The following PCDHGA5 variants were observed in gnomAD, a reference collection of about 807,000 sequenced individuals.
PCDHGA5 encodes protocadherin gamma-A5.
Under a neutral mutation model 56.7 loss-of-function variants are expected in PCDHGA5, and 36 were observed. That is an observed-to-expected ratio of 0.64 (90% CI 0.49 to 0.84). The LOEUF is 0.84. Among genes scored for constraint, PCDHGA5 ranks in the 40% least tolerant of loss-of-function variants. The probability of loss-of-function intolerance (pLI) is 0.00; values close to 1 mark genes in which losing one functional copy is unlikely to be tolerated. For missense variants in PCDHGA5, 1,305 were observed against 1,201.5 expected (o/e 1.09, Z -1.27); for synonymous variants, 563 against 520.2 (o/e 1.08, Z -1.12).
At position 141,365,416 on chromosome 5, in the gene PCDHGA5, C is replaced by G; in HGVS notation, c.1086C>G (p.Pro362=). The G allele has an allele frequency of 6.2e-7, 1 of 1,613,930 alleles. No individual in the cohort carries two copies. Among genetic ancestry groups the G allele is most frequent in the Non-Finnish European group, 8.5e-7 (1 of 1,179,880 alleles). The stretch of plus-strand genomic sequence containing the variant: ...GTTCGATCTCTGAAGACTGTCTTCC[C>G]GGAACTGTAATCGCGCTGTTTAGCG... ...LTSSISEDCL[P]GTVIALFSVH... The change falls in exon 1 of 4, where the codon CCC becomes CCG. Residue 362 remains proline (P), a synonymous_variant. Coordinates refer to ENST00000518069, the MANE Select transcript of PCDHGA5 (RefSeq NM_018918.3).
chr5:141,476,036 A>G lies in PCDHGA5; in HGVS notation c.2422-18771A>G. The G allele has an allele frequency of 1.4e-6, 2 of 1,471,164 alleles. No individual in the cohort carries two copies. Among genetic ancestry groups the G allele is most frequent in the Non-Finnish European group, 1.8e-6 (2 of 1,106,602 alleles). 91.1% of individuals were successfully genotyped at this position (1,471,164 alleles called of 1,614,324 possible). ...ATGTCGGACTCGGCGCCCAGCGCCCAAGCGCTAACCCGCTGAAAGTTTCTC... is the reference window on the plus strand; with the variant it reads ...ATGTCGGACTCGGCGCCCAGCGCCCGAGCGCTAACCCGCTGAAAGTTTCTC... On this transcript the variant is annotated intron_variant, in intron 1 of 3. Transcript: ENST00000518069. The surrounding 1 kb of genome is among the most constrained non-coding windows in gnomAD (Gnocchi z 7.6).
intron 1 of PCDHGA5, chr5:141,384,693 A>G (rs1345115245): frequency 3.1e-6 from 5 of 1,614,042 alleles, no homozygotes; most frequent in Non-Finnish European, 4.2e-6. Context: ...ACAAAGATTC[A>G]GGCCAGAACG....
intron 1 of PCDHGA5, chr5:141,383,141 G>A (rs781049830): frequency 1.2e-6 from 2 of 1,614,134 alleles, no homozygotes; most frequent in Admixed American, 1.7e-5. Flanking sequence ...AACCAGCGCA[G>A]CGGCAGCTTG....
intron 1 of PCDHGA5, among the ~76,000 whole-genome samples, chr5:141,463,302 A>T (rs2099056422): frequency 6.6e-6 from 1 of 151,090 alleles, no homozygotes; most frequent in Non-Finnish European, 1.5e-5. Context: ...ATCTCCCCAA[A>T]CTCTAATATC....
chr5:141,489,290 G>A lies in PCDHGA5; in HGVS notation c.2422-5517G>A. 6.3e-7 allele frequency: 1 copy of A among 1,577,514 alleles called. No individual in the cohort carries two copies. The highest frequency in any genetic ancestry group is 8.6e-7 in the Non-Finnish European group (1 of 1,162,002). ...CTCGCTGGGAAATGGCAAGTGCTGT[G>A]CATGTTGTCCTTGTGCTGCTGGGGC... On this transcript the variant is annotated intron_variant, in intron 1 of 3. Transcript: ENST00000518069. This position sits in a 1 kb window ranked among gnomAD's most constrained non-coding sequence, Gnocchi z 4.5.
At chr5:141,406,567 T>A (rs1270084196) in intron 1 of PCDHGA5, among the ~76,000 whole-genome samples, 2 of 152,224 alleles carry the variant, frequency 1.3e-5, no homozygotes, top group African/African-American at 4.8e-5. Context: ...TTCCAAACCC[T>A]AGTAAACCAA....
chr5:141,459,044 A>T (rs2098959649), intron 1 of PCDHGA5, among the ~76,000 whole-genome samples: 1 of 152,204 alleles, frequency 6.6e-6, no homozygotes, highest in Non-Finnish European at 1.5e-5. Flanking sequence ...TACCAGCTAT[A>T]TTGAAGTATA....
At chr5:141,385,260 A>G (rs1337413063) in intron 1 of PCDHGA5, 1 of 1,613,648 alleles carries the variant, frequency 6.2e-7, no homozygotes, top group African/African-American at 1.3e-5. Flanking sequence ...GCTGTGAGAA[A>G]AATGATTCTT....
intron 1 of PCDHGA5, chr5:141,394,742 G>T: frequency 1.2e-6 from 2 of 1,613,420 alleles, no homozygotes; most frequent in Non-Finnish European, 1.7e-6. Flanking sequence ...AGAGCCTCGT[G>T]GTGGCCGTCC....
intron 1 of PCDHGA5, among the ~76,000 whole-genome samples, chr5:141,466,614 G>A (rs75804312): frequency 1.4e-3 from 218 of 152,142 alleles, no homozygotes; most frequent in Middle Eastern, 6.8e-3. Context: ...GTAAACTGCC[G>A]TTTTCTTTGG....
In PCDHGA5 at chr5:141,491,409, G is replaced by T; in HGVS notation, c.2422-3398G>T. The T allele has an allele frequency of 6.8e-6, 11 of 1,614,118 alleles. No individual in the cohort carries two copies. Among genetic ancestry groups the T allele is most frequent in the Non-Finnish European group, 9.3e-6 (11 of 1,180,014 alleles). On this transcript the variant is annotated intron_variant, in intron 1 of 3. Coordinates refer to ENST00000518069, the MANE Select transcript of PCDHGA5 (RefSeq NM_018918.3). The surrounding 1 kb of genome is among the most constrained non-coding windows in gnomAD (Gnocchi z 6.9). ...AGTGCCTTCAGGGAAACGCAGACGG[G>T]GACGGGGGTGGAGGGCAGTGCTGCA...
intron 1 of PCDHGA5, chr5:141,376,543 T>C: frequency 1.2e-6 from 2 of 1,613,014 alleles, no homozygotes. Flanking sequence ...AAGAGTAATC[T>C]GATCTTCCCG....
At chr5:141,383,932 C>G in intron 1 of PCDHGA5, 3 of 1,613,794 alleles carry the variant, frequency 1.9e-6, no homozygotes, top group Non-Finnish European at 2.5e-6. Flanking sequence ...TGATAATGCT[C>G]CAGAAGTGAC....
Position 141,486,200 on chromosome 5 carries a change from G to A in PCDHGA5, c.2422-8607G>A, listed in dbSNP as rs764874531. The stretch of plus-strand genomic sequence containing the variant: ...CAGCCTTCGAGTGGATCTGCTGGAC[G>A]TAAATGACAATGCCCCTTACATCAC... On this transcript the variant is annotated intron_variant, in intron 1 of 3. Transcript: ENST00000518069. The surrounding 1 kb of genome is among the most constrained non-coding windows in gnomAD (Gnocchi z 5.0). The A allele has an allele frequency of 2.0e-5, 32 of 1,614,096 alleles. No homozygotes were observed. Among genetic ancestry groups the A allele is most frequent in the Non-Finnish European group, 2.3e-5 (27 of 1,180,040 alleles).
rs746903142 is a variant in PCDHGA5, at chr5:141,491,667, G to T, written c.2422-3140G>T. ...TGGCGCTGGAGCCTGACGCCATCCG[G>T]TCCCGCTCTAATACGCTGCGGGAGC... On this transcript the variant is annotated intron_variant, in intron 1 of 3. Coordinates refer to ENST00000518069, the MANE Select transcript of PCDHGA5 (RefSeq NM_018918.3). The surrounding 1 kb of genome is among the most constrained non-coding windows in gnomAD (Gnocchi z 6.9). 1.9e-6 allele frequency: 3 copies of T among 1,613,794 alleles called. No individual in the cohort carries two copies. Among genetic ancestry groups the T allele is most frequent in the Admixed American group, 1.7e-5 (1 of 60,032 alleles).
At position 141,416,083 on chromosome 5, in the gene PCDHGA5, A is replaced by T. The variant is rs183563665; in HGVS notation, c.2421+49332A>T. The T allele has an allele frequency of 1.6e-4, 27 of 167,232 alleles. 1 individual carries two copies. The East Asian group carries it at 3.9e-3, about 24-fold the overall frequency. The allele number at this position is 167,232 out of a possible 1,614,324, so 10.4% of individuals were successfully genotyped here. A position where few individuals can be genotyped will look rare whatever the true frequency, so the allele number is the denominator to read the frequency against. On this transcript the variant is annotated intron_variant, in intron 1 of 3. Transcript: ENST00000518069. Reference sequence around the variant, plus strand: ...AGAATACTCAATGCAGTTCTTCCCAAGGAGAAGGGCAATAGGCCTTTTTCA... The same window carrying T: ...AGAATACTCAATGCAGTTCTTCCCATGGAGAAGGGCAATAGGCCTTTTTCA...
intron 1 of PCDHGA5, chr5:141,426,946 C>A (rs565370434): frequency 2.2e-6 from 1 of 456,786 alleles, no homozygotes; most frequent in South Asian, 1.5e-5. Flanking sequence ...CCAGTCCCAA[C>A]TGGCACTGCT....
At chr5:141,404,560 C>T (rs2094540099) in intron 1 of PCDHGA5, 37 of 1,613,460 alleles carry the variant, frequency 2.3e-5, no homozygotes, top group Non-Finnish European at 3.1e-5. Flanking sequence ...CGGCAAGTGA[C>T]AGTGGAAGCC....
At chr5:141,414,904 A>G in intron 1 of PCDHGA5, 2 of 1,614,190 alleles carry the variant, frequency 1.2e-6, no homozygotes, top group Non-Finnish European at 1.7e-6. Context: ...AGACGGTTCC[A>G]CAGGCGTGGA....
Sources: gnomAD v4.1 joint callset for allele counts (sites outside exome capture counted in the v4.1 genomes callset) on GRCh38, gnomAD v4.1.1 for gene constraint, Gnocchi (gnomAD v3.1) non-coding constraint, MANE v1.5 for transcripts, NCBI Gene and HGNC (gene_info 2026-07-23, HGNC 2026-07-21) for gene names.